SGCG: variants seen among roughly 807,000 people sequenced by gnomAD.
SGCG encodes the protein sarcoglycan gamma.
In SGCG, 26 loss-of-function variants were observed where a neutral mutation model predicts 29.3. That is an observed-to-expected ratio of 0.89 (90% CI 0.65 to 1.23). SGCG has a LOEUF of 1.23. Among genes scored for constraint, SGCG ranks in the 50% most tolerant of loss-of-function variants. The pLI is 0.00. For synonymous variants in SGCG, 145 were observed against 129.7 expected (o/e 1.12, Z -0.80); for missense variants, 353 against 356.0 (o/e 0.99, Z 0.07).
intron 4 of SGCG, among the ~76,000 whole-genome samples, chr13:23,264,057 A>G (rs1880547333): frequency 6.6e-6 from 1 of 152,180 alleles, no homozygotes; most frequent in Non-Finnish European, 1.5e-5. Context: ...CTTGTATTCA[A>G]CATCGTACTG....
At chr13:23,277,005 A>G (rs1437577438) in intron 4 of SGCG, among the ~76,000 whole-genome samples, 2 of 152,234 alleles carry the variant, frequency 1.3e-5, no homozygotes, top group Non-Finnish European at 2.9e-5. Context: ...ATAGATTTGT[A>G]TTGAATGGAA....
intron 1 of SGCG, among the ~76,000 whole-genome samples, chr13:23,188,534 G>C (rs112705570): frequency 6.8e-6 from 1 of 146,114 alleles, no homozygotes; most frequent in East Asian, 2.0e-4. Flanking sequence ...GGTCAGGCTG[G>C]TCATGAATTC....
intron 2 of SGCG, among the ~76,000 whole-genome samples, chr13:23,224,533 T>C (rs1255035750): frequency 6.6e-6 from 1 of 152,092 alleles, no homozygotes; most frequent in Non-Finnish European, 1.5e-5. Context: ...GCACAATATG[T>C]GAAATGTTTG....
At chr13:23,307,996 T>C (rs1469161299) in intron 6 of SGCG, among the ~76,000 whole-genome samples, 1 of 151,914 alleles carries the variant, frequency 6.6e-6, no homozygotes, top group Non-Finnish European at 1.5e-5. Context: ...ACATTACACC[T>C]ATGTGTAATG....
At chr13:23,195,115 C>T (rs9552874) in intron 1 of SGCG, among the ~76,000 whole-genome samples, 69,881 of 152,000 alleles carry the variant, frequency 0.46, 16,218 homozygotes, top group Admixed American at 0.51. Flanking sequence ...AAATAACAAC[C>T]GGTCTTGGTT....
intron 4 of SGCG, among the ~76,000 whole-genome samples, chr13:23,259,346 T>C (rs1351436171): frequency 2.6e-5 from 4 of 152,188 alleles, no homozygotes; most frequent in African/African-American, 9.7e-5. Context: ...GTTTATAGTA[T>C]TCTCTGATGA....
intron 4 of SGCG, among the ~76,000 whole-genome samples, chr13:23,252,564 G>A (rs552754473): frequency 5.2e-4 from 79 of 152,140 alleles, no homozygotes; most frequent in Non-Finnish European, 2.1e-4. Context: ...GGTGGCGGTC[G>A]CCTGTAGTCT....
chr13:23,266,453 C>T (rs891974555), intron 4 of SGCG, among the ~76,000 whole-genome samples: 2 of 151,954 alleles, frequency 1.3e-5, no homozygotes, highest in African/African-American at 4.8e-5. Context: ...AATCAAAAAT[C>T]GAATGCCACA....
At chr13:23,208,897 G>T (rs1878084003) in intron 2 of SGCG, among the ~76,000 whole-genome samples, 1 of 151,926 alleles carries the variant, frequency 6.6e-6, no homozygotes, top group African/African-American at 2.4e-5. Flanking sequence ...TAATATACAT[G>T]GGTCATATCT....
chr13:23,212,369 T>A (rs1465796067), intron 2 of SGCG, among the ~76,000 whole-genome samples: 4 of 119,592 alleles, frequency 3.3e-5, no homozygotes. Flanking sequence ...TCGGACTTAT[T>A]TTTCCCAGCA....
At chr13:23,211,482 C>G (rs927258006) in intron 2 of SGCG, among the ~76,000 whole-genome samples, 1 of 151,672 alleles carries the variant, frequency 6.6e-6, no homozygotes, top group African/African-American at 2.4e-5. Context: ...GAGAGCTTGA[C>G]CCCCCCTTTC....
chr13:23,269,460 T>C (rs1203462452), intron 4 of SGCG, among the ~76,000 whole-genome samples: 1 of 152,126 alleles, frequency 6.6e-6, no homozygotes, highest in East Asian at 1.9e-4. Flanking sequence ...TCTGCCTCAG[T>C]CCCCAGCCCC....
intron 1 of SGCG, among the ~76,000 whole-genome samples, chr13:23,197,241 C>G (rs1877551066): frequency 6.6e-6 from 1 of 152,116 alleles, no homozygotes; most frequent in Non-Finnish European, 1.5e-5. Context: ...ATTATGTGCA[C>G]ATAACTGATA....
chr13:23,273,726 A>G (rs1279745395), intron 4 of SGCG, among the ~76,000 whole-genome samples: 1 of 152,086 alleles, frequency 6.6e-6, no homozygotes, highest in Non-Finnish European at 1.5e-5. Flanking sequence ...TATTGTGTTT[A>G]GGGAGTATTA....
At chr13:23,236,425 C>T (rs928014989) in intron 3 of SGCG, among the ~76,000 whole-genome samples, 7 of 152,148 alleles carry the variant, frequency 4.6e-5, no homozygotes, top group Admixed American at 3.3e-4. Flanking sequence ...CGCCTGTAAT[C>T]CCAGCACTTT....
chr13:23,309,092 T>C (rs535576218), intron 6 of SGCG, among the ~76,000 whole-genome samples: 25 of 152,266 alleles, frequency 1.6e-4, no homozygotes, highest in African/African-American at 5.8e-4. Context: ...ACCAGGGTGT[T>C]TATAGTTTTT....
the SGCG span, among the ~76,000 whole-genome samples, chr13:23,164,177 A>G: frequency 2.6e-5 from 4 of 152,198 alleles, no homozygotes; most frequent in African/African-American, 9.7e-5. Context: ...TGCCAAAAAT[A>G]TGTATTATTT....
chr13:23,285,061 G>A (rs1881444413), intron 5 of SGCG, among the ~76,000 whole-genome samples: 1 of 152,214 alleles, frequency 6.6e-6, no homozygotes, highest in African/African-American at 2.4e-5. Flanking sequence ...GCTGGGAGGT[G>A]TCTCCCAGTC....
At chr13:23,181,707 A>C (rs546277015) in intron 1 of SGCG, among the ~76,000 whole-genome samples, 46 of 152,372 alleles carry the variant, frequency 3.0e-4, no homozygotes, top group Admixed American at 4.6e-4. Flanking sequence ...AAAAGTACAC[A>C]TGTGCTAATG....
Sources: gnomAD v4.1 joint callset for allele counts (sites outside exome capture counted in the v4.1 genomes callset) on GRCh38, gnomAD v4.1.1 for gene constraint, MANE v1.5 for transcripts, NCBI Gene and HGNC (gene_info 2026-07-23, HGNC 2026-07-21) for gene names.